Variants in SLC26A7 observed in about 807,000 individuals in gnomAD.
The protein encoded by SLC26A7 is solute carrier family 26 member 7, also known as anion exchange transporter.
A neutral mutation model predicts 82.5 loss-of-function variants in SLC26A7; 59 were observed. The ratio of observed to expected loss-of-function variants is 0.72; its 90% CI spans 0.58 to 0.89. SLC26A7 has a LOEUF of 0.89. SLC26A7 is among the 40% of genes least tolerant of loss of function. The pLI is 0.00. For synonymous variants in SLC26A7, 271 were observed against 274.3 expected, an observed-to-expected ratio of 0.99 and a Z score of 0.12; for missense variants, 820 against 793.0, an observed-to-expected ratio of 1.03 and a Z score of -0.41.
intron 16 of SLC26A7, among the ~76,000 whole-genome samples, chr8:91,389,890 A>G (rs531571271): frequency 3.0e-4 from 46 of 152,296 alleles, no homozygotes; most frequent in Middle Eastern, 3.4e-3. Flanking sequence ...TGCCCAATGC[A>G]GGGGCTTTTC....
intron 2 of SLC26A7, among the ~76,000 whole-genome samples, chr8:91,287,367 A>AG (rs1423820548): frequency 6.6e-6 from 1 of 152,232 alleles, no homozygotes; most frequent in Non-Finnish European, 1.5e-5. Flanking sequence ...ACAGATAAGC[A>AG]GGAGGTAGCT....
At chr8:91,218,935 T>C (rs745763599) in exon 2 of SLC26A7, 7 of 1,550,896 alleles carry the variant, frequency 4.5e-6, no homozygotes, top group Non-Finnish European at 6.1e-6. Context: ...TCTCCAAGTA[T>C]TAATTTGTTC....
Position 91,270,050 on chromosome 8 carries a change from A to G in SLC26A7, c.194-19086A>G, listed in dbSNP as rs530682209. On this transcript the variant is annotated intron_variant, in intron 2 of 18. Coordinates refer to ENST00000276609, the MANE Select transcript of SLC26A7 (RefSeq NM_052832.4). ...AAATCTTAAAAAAGTATTATTCTGAATTCTTTGTCAGCCATTTCATAGATT... is the reference window on the plus strand; with the variant it reads ...AAATCTTAAAAAAGTATTATTCTGAGTTCTTTGTCAGCCATTTCATAGATT... 3.9e-5 allele frequency among the ~76,000 whole-genome samples: 6 copies of G among 151,930 alleles called. No homozygotes were observed. In the East Asian group the frequency reaches 1.2e-3, roughly 29 times the overall value.
chr8:91,331,107 C>A (rs1001263275), intron 5 of SLC26A7, among the ~76,000 whole-genome samples: 5 of 151,978 alleles, frequency 3.3e-5, no homozygotes, highest in Non-Finnish European at 7.4e-5. Context: ...TGGATTAGGG[C>A]CCACCCATAT....
At chr8:91,246,890 T>C (rs1810552287), upstream of SLC26A7, among the ~76,000 whole-genome samples, 1 of 152,212 alleles carries the variant, frequency 6.6e-6, no homozygotes, top group African/African-American at 2.4e-5. Context: ...CATTCTGCCT[T>C]GAGTTAGTTA....
chr8:91,362,067 G>A (rs919950298), intron 11 of SLC26A7, among the ~76,000 whole-genome samples: 2 of 152,030 alleles, frequency 1.3e-5, no homozygotes, highest in African/African-American at 4.8e-5. Context: ...CATCAACCAA[G>A]TATTTACAGA....
intron 2 of SLC26A7, among the ~76,000 whole-genome samples, chr8:91,242,118 T>C (rs1242405771): frequency 6.6e-6 from 1 of 152,182 alleles, no homozygotes; most frequent in Admixed American, 6.5e-5. Flanking sequence ...TCTGCTATTA[T>C]TATCCCTTCC....
chr8:91,391,579 G>A (rs1287334850), intron 16 of SLC26A7, among the ~76,000 whole-genome samples: 5 of 152,024 alleles, frequency 3.3e-5, no homozygotes, highest in Admixed American at 2.6e-4. Flanking sequence ...TAAACACATG[G>A]TTCCTCTTCA....
intron 1 of SLC26A7, among the ~76,000 whole-genome samples, chr8:91,211,618 T>TA (rs1282294122): frequency 0.15 from 18,362 of 124,368 alleles, 1,405 homozygotes; most frequent in Non-Finnish European, 0.21. Context: ...ATATATATAT[T>TA]TTTTTTTTAT....
intron 2 of SLC26A7, among the ~76,000 whole-genome samples, chr8:91,282,490 G>C (rs532282416): frequency 5.8e-4 from 89 of 152,220 alleles, no homozygotes; most frequent in African/African-American, 2.0e-3. Flanking sequence ...TGCTGAGCTT[G>C]AGGAGGTGCA....
In SLC26A7 at chr8:91,256,676, G is replaced by A. The variant is rs118143346; in HGVS notation, c.193+6832G>A. Among the ~76,000 whole-genome samples, 209 of 152,220 alleles carry A rather than the reference G, an allele frequency of 1.4e-3. 1 individual carries two copies. The highest frequency in any genetic ancestry group is 4.1e-3 in the South Asian group (20 of 4,828). ...CTACTATAGCCCTGACTCTCCATTT[G>A]CATGTGCAAACACTTTTTTGCTTTG... On this transcript the variant is annotated intron_variant, in intron 2 of 18. Coordinates refer to ENST00000276609, the MANE Select transcript of SLC26A7 (RefSeq NM_052832.4).
chr8:91,341,241 G>A (rs1230106372), intron 8 of SLC26A7, among the ~76,000 whole-genome samples: 3 of 151,534 alleles, frequency 2.0e-5, no homozygotes, highest in African/African-American at 7.3e-5. Flanking sequence ...TGCGGTGTTT[G>A]GTTTTTTGTT....
At chr8:91,294,924 G>T (rs902152527) in intron 3 of SLC26A7, among the ~76,000 whole-genome samples, 1 of 152,176 alleles carries the variant, frequency 6.6e-6, no homozygotes, top group Non-Finnish European at 1.5e-5. Context: ...ACCACAGAGG[G>T]TGGAAAGATT....
At chr8:91,347,718 A>G (rs1399704954) in intron 9 of SLC26A7, among the ~76,000 whole-genome samples, 1 of 152,186 alleles carries the variant, frequency 6.6e-6, no homozygotes, top group African/African-American at 2.4e-5. Flanking sequence ...GTTACTGATC[A>G]TTTAACACCA....
chr8:91,309,177 A>C (rs971846262), intron 4 of SLC26A7, among the ~76,000 whole-genome samples: 34 of 151,996 alleles, frequency 2.2e-4, no homozygotes, highest in African/African-American at 7.7e-4. Context: ...GAATTCCAGT[A>C]ATTTTGCCTC....
rs557754844 is a variant in SLC26A7 at position 91,332,769 on chromosome 8, C to T, written c.643-1526C>T. ...CTGGTTTCAAACTGCTGGCTTCAAG[C>T]GATCCTTCTGCCTCAGCTTCCCACA... On this transcript the variant is annotated intron_variant, in intron 5 of 18. Transcript: ENST00000276609. Among the ~76,000 whole-genome samples, 43 of 151,756 alleles carry T rather than the reference C, an allele frequency of 2.8e-4. 1 individual carries two copies. In the South Asian group the frequency reaches 5.4e-3, roughly 19 times the overall value.
In SLC26A7 at chr8:91,396,346, A is replaced by C. The variant is rs1389964699; in HGVS notation, c.*1249A>C. 6.6e-6 allele frequency: 1 copy of C among 152,038 alleles called. No homozygotes were observed. Among genetic ancestry groups the C allele is most frequent in the East Asian group, 1.9e-4 (1 of 5,194 alleles). 9.4% of individuals were successfully genotyped at this position (152,038 alleles called of 1,614,324 possible). A position where few individuals can be genotyped will look rare whatever the true frequency, so the allele number is the denominator to read the frequency against. On this transcript the variant is annotated 3_prime_UTR_variant, in exon 19 of 19. Transcript: ENST00000276609. ...AACCGCTCTAAAAATTACCAGAGTA[A>C]GAAAAAGCTAGGTACTTTAAAGTGA...
chr8:91,215,495 A>G (rs748195292), intron 1 of SLC26A7, among the ~76,000 whole-genome samples: 1 of 152,178 alleles, frequency 6.6e-6, no homozygotes, highest in Non-Finnish European at 1.5e-5. Context: ...ATTTGAATTT[A>G]AAGTGGAAAA....
At chr8:91,356,088 A>G (rs1210308102) in intron 11 of SLC26A7, among the ~76,000 whole-genome samples, 3 of 152,194 alleles carry the variant, frequency 2.0e-5, no homozygotes, top group Admixed American at 6.5e-5. Flanking sequence ...ATAGTATTCC[A>G]TGGTGTACAT....
Sources: gnomAD v4.1 joint callset for allele counts (sites outside exome capture counted in the v4.1 genomes callset) on GRCh38, gnomAD v4.1.1 for gene constraint, MANE v1.5 for transcripts, NCBI Gene and HGNC (gene_info 2026-07-23, HGNC 2026-07-21) for gene names.